Variants in CARD10 observed in about 807,000 individuals in gnomAD.
CARD10 encodes caspase recruitment domain-containing protein 10.
In CARD10, 49 loss-of-function variants were observed where a neutral mutation model predicts 114.6. That is an observed-to-expected ratio of 0.43 (90% confidence interval 0.34 to 0.54). CARD10 has a LOEUF of 0.54. CARD10 is among the 20% of genes least tolerant of loss of function. The pLI is 0.03. For synonymous variants in CARD10, 602 were observed against 593.2 expected (o/e 1.01, Z -0.21); for missense variants, 1,206 against 1,397.2 (o/e 0.86, Z 2.18).
rs1486849144 is a variant in CARD10 at position 37,510,347 on chromosome 22, G to A, written c.774C>T (p.Pro258=). 7 of 1,611,994 alleles carry A rather than the reference G, an allele frequency of 4.3e-6. No homozygotes were observed. The highest frequency in any genetic ancestry group is 5.9e-6 in the Non-Finnish European group (7 of 1,179,458). ...CALLRRARGP[P]PGAEEKEKEK... Reference sequence around the variant, plus strand: ...CCTTCTCCTTCTCCTCTGCCCCAGGGGGCGGGCCCCTGGCCCTTCGAAGCA... The same window carrying A: ...CCTTCTCCTTCTCCTCTGCCCCAGGAGGCGGGCCCCTGGCCCTTCGAAGCA... Residue 258 remains proline (P), a synonymous_variant, in exon 4 of 20, where the codon CCC becomes CCT. Transcript: ENST00000251973.
At chr22:37,502,528 G>A in intron 11 of CARD10, 74 bp downstream of exon 11, 1 of 1,506,326 alleles carries the variant, frequency 6.6e-7, no homozygotes, top group Non-Finnish European at 9.0e-7. Flanking sequence ...CGAGGCAATT[G>A]CTCCTCCCAC....
intron 11 of CARD10, among the ~76,000 whole-genome samples, chr22:37,502,135 GC>G (rs1167444450): frequency 6.6e-6 from 1 of 152,252 alleles, no homozygotes; most frequent in Non-Finnish European, 1.5e-5. Flanking sequence ...CCTGTGGCTG[GC>G]CCGGTCACAG....
At position 37,504,654 on chromosome 22, in the gene CARD10, C is replaced by A; in HGVS notation, c.1499G>T (p.Gly500Val). ...TCTTACCGAGTTGTGAGGCTCAGGT[C>A]CCCCCATGACAGCTGCCTCCCCAGT... ...EATGEAAVMG[G>V]PEPHNSEEAT... The change falls in exon 8 of 20, where the codon GGA (glycine) becomes GTA (valine). Residue 500 changes from glycine (G) to valine (V), a missense_variant. Physicochemically the swap from Gly to Val is moderately radical, Grantham distance 109. This residue lies in a region of CARD10 where 1,068 missense variants were observed against 1,179.1 expected (regional missense o/e 0.91). Coordinates refer to ENST00000251973, the MANE Select transcript of CARD10 (RefSeq NM_014550.4). 1.3e-6 allele frequency: 2 copies of A among 1,514,494 alleles called. No individual in the cohort carries two copies. Among genetic ancestry groups the A allele is most frequent in the Non-Finnish European group, 8.8e-7 (1 of 1,133,728 alleles). The allele number at this position is 1,514,494 out of a possible 1,614,324, so 93.8% of individuals were successfully genotyped here.
intron 3 of CARD10, among the ~76,000 whole-genome samples, chr22:37,510,834 G>A (rs546254714): frequency 2.0e-5 from 3 of 152,318 alleles, no homozygotes; most frequent in Admixed American, 6.5e-5. Context: ...CAGCACTTTG[G>A]GAGGCTGAGG....
At chr22:37,505,610 C>T (rs1601814072) in intron 7 of CARD10, among the ~76,000 whole-genome samples, 2 of 151,346 alleles carry the variant, frequency 1.3e-5, no homozygotes, top group South Asian at 2.1e-4. Flanking sequence ...TGGGATCCAG[C>T]CTGGGTGATA....
rs775563067 is a variant in CARD10 at position 37,516,151 on chromosome 22, C to T, written c.521G>A (p.Arg174Gln). Reference protein sequence around the residue: ...LEEERAGLEQRLRDQQQAQER... With the variant: ...LEEERAGLEQQLRDQQQAQER... ...CTGAGCCTGCTGCTGGTCCCGCAGC[C>T]GCTGCTCCAGCCCTGCCCGCTCCTC... Residue 174 changes from arginine (R) to glutamine (Q), a missense_variant, in exon 3 of 20, where the codon CGG (arginine) becomes CAG (glutamine). Around this residue, in one of 2 missense-constraint regions of CARD10, gnomAD observed 1,068 missense variants for 1,179.1 expected, o/e 0.91. Transcript: ENST00000251973. 2.1e-5 allele frequency: 34 copies of T among 1,594,970 alleles called. No homozygotes were observed. Among genetic ancestry groups the T allele is most frequent in the Admixed American group, 3.5e-5 (2 of 57,610 alleles).
intron 18 of CARD10, 40 bp from the exon 19 acceptor site, chr22:37,491,907 C>T: frequency 1.4e-6 from 2 of 1,396,662 alleles, no homozygotes; most frequent in Non-Finnish European, 1.0e-6. Flanking sequence ...TCCTGGGCCA[C>T]AGACATCAGC....
chr22:37,497,856 A>C (rs1923064399), intron 11 of CARD10, among the ~76,000 whole-genome samples: 1 of 146,870 alleles, frequency 6.8e-6, no homozygotes, highest in South Asian at 2.1e-4. Flanking sequence ...CTCTGTCTCA[A>C]AAAAAAAAAA....
chr22:37,507,944 T>C lies in CARD10; in HGVS notation c.1076A>G (p.Glu359Gly). The C allele has an allele frequency of 6.2e-7, 1 of 1,614,046 alleles. No individual in the cohort carries two copies. Among genetic ancestry groups the C allele is most frequent in the Non-Finnish European group, 8.5e-7 (1 of 1,179,994 alleles). Residue 359 changes from glutamate to glycine, a missense_variant, in exon 6 of 20, where the codon GAG becomes GGG. Physicochemically the swap from Glu to Gly is moderately conservative, Grantham distance 98. This residue lies in a region of CARD10 where 1,068 missense variants were observed against 1,179.1 expected (regional missense o/e 0.91). Coordinates refer to ENST00000251973, the MANE Select transcript of CARD10 (RefSeq NM_014550.4). ...GTGCTTGAGCCGCAGGTCTTCCATCTCCTGCAGGTACTGAGGGTGGCACGG... is the reference window on the plus strand; with the variant it reads ...GTGCTTGAGCCGCAGGTCTTCCATCCCCTGCAGGTACTGAGGGTGGCACGG... ...AEELRDQYLQ[E>G]MEDLRLKHRT...
intron 10 of CARD10, 24 bp downstream of exon 10, chr22:37,503,161 C>T: frequency 6.2e-7 from 1 of 1,609,464 alleles, no homozygotes; most frequent in South Asian, 1.1e-5. Context: ...AGGAGCCCTC[C>T]CCACGGAACT....
At chr22:37,502,371 C>T (rs1923245194) in intron 11 of CARD10, among the ~76,000 whole-genome samples, 1 of 152,248 alleles carries the variant, frequency 6.6e-6, no homozygotes, top group African/African-American at 2.4e-5. Flanking sequence ...TCATCATCTC[C>T]CTTTAGCTAC....
rs748687860 is a variant in CARD10 at position 37,507,927 on chromosome 22, G to A, written c.1093C>T (p.Leu365Phe). The change falls in exon 6 of 20, where the codon CTC becomes TTC. Residue 365 changes from leucine to phenylalanine, a missense_variant. By Grantham distance (22) the Leu-to-Phe change is conservative. This residue lies in a region of CARD10 where 1,068 missense variants were observed against 1,179.1 expected (regional missense o/e 0.91). Coordinates refer to ENST00000251973, the MANE Select transcript of CARD10 (RefSeq NM_014550.4). ...TCCTTCTGCAGCGTGCGGTGCTTGA[G>A]CCGCAGGTCTTCCATCTCCTGCAGG... The part of the protein sequence containing the change: ...QYLQEMEDLR[L>F]KHRTLQKDCD... 16 of 1,614,158 alleles carry A rather than the reference G, an allele frequency of 9.9e-6. No homozygotes were observed. In the African/African-American group the frequency reaches 1.7e-4, roughly 17 times the overall value.
rs148648878 is a variant in CARD10 at position 37,495,951 on chromosome 22, G to A, written c.2112C>T (p.Ala704=). ...GGTTGGCACGAATGTAGAAGGGCTCGGCACCTGGTCCCTTTGCCCAGGCTT... is the reference window on the plus strand; with the variant it reads ...GGTTGGCACGAATGTAGAAGGGCTCAGCACCTGGTCCCTTTGCCCAGGCTT... ...ALEAWAKGPG[A]EPFYIRANLT... Residue 704 remains alanine (A), a synonymous_variant, in exon 14 of 20, where the codon GCC becomes GCT. Coordinates refer to ENST00000251973, the MANE Select transcript of CARD10 (RefSeq NM_014550.4). The A allele has an allele frequency of 4.9e-4, 790 of 1,614,030 alleles. No homozygotes were observed. Among genetic ancestry groups the A allele is most frequent in the Non-Finnish European group, 6.2e-4 (731 of 1,180,046 alleles).
rs548716137 is a variant in CARD10 at position 37,496,908 on chromosome 22, G to T, written c.1947+111C>A. ...TAATCACTGAGCCCGCTTCGGCTTT[G>T]ACCAATCCCCAGAAGCTCTGCCCGG... is the stretch of plus-strand genomic sequence containing the variant. On this transcript the variant is annotated intron_variant, in intron 12 of 19. Coordinates refer to ENST00000251973, the MANE Select transcript of CARD10 (RefSeq NM_014550.4). The surrounding 1 kb of genome is among the most constrained non-coding windows in gnomAD (Gnocchi z 4.1). The T allele has an allele frequency of 2.3e-6, 3 of 1,317,828 alleles. No homozygotes were observed. The highest frequency in any genetic ancestry group is 2.9e-5 in the South Asian group (2 of 69,692). The allele number at this position is 1,317,828 out of a possible 1,614,324, so 81.6% of individuals were successfully genotyped here.
intron 3 of CARD10, among the ~76,000 whole-genome samples, chr22:37,515,478 G>A (rs1569168130): frequency 6.6e-6 from 1 of 150,454 alleles, no homozygotes; most frequent in African/African-American, 2.5e-5. Flanking sequence ...CAGGAGAATC[G>A]CTGGAACCCG....
chr22:37,506,393 G>C lies in CARD10; in HGVS notation c.1192-10C>G, dbSNP rs376972364. On this transcript the variant is annotated splice_polypyrimidine_tract_variant and intron_variant, in intron 6 of 19. Transcript: ENST00000251973. ...CACGGCTCTGGATGGCCTAGGGTTG[G>C]GGGAGGGGAGGCAGCAGCTGAAGGA... is the stretch of plus-strand genomic sequence containing the variant. The C allele has an allele frequency of 9.1e-6, 14 of 1,535,588 alleles. No individual in the cohort carries two copies. The highest frequency in any genetic ancestry group is 2.5e-5 in the East Asian group (1 of 40,726).
At chr22:37,513,000 C>T (rs1043558138) in intron 3 of CARD10, among the ~76,000 whole-genome samples, 1 of 152,228 alleles carries the variant, frequency 6.6e-6, no homozygotes. Context: ...CGATCAGGTG[C>T]TCTGTTCAGA....
rs142460262 is a variant in CARD10, at chr22:37,501,143, C to T, written c.1787+1459G>A. On this transcript the variant is annotated intron_variant, in intron 11 of 19. Coordinates refer to ENST00000251973, the MANE Select transcript of CARD10 (RefSeq NM_014550.4). This position sits in a 1 kb window ranked among gnomAD's most constrained non-coding sequence, Gnocchi z 5.4. ...TCTCCGCCTGTCTGCCTCTCTCTCT[C>T]TCTTTCTCTCTCTCTCTCTGTCCAC... Among the ~76,000 whole-genome samples the T allele has an allele frequency of 0.018, 2,690 of 152,268 alleles. 101 individuals carry two copies. The highest frequency in any genetic ancestry group is 0.062 in the African/African-American group (2,579 of 41,518).
In CARD10 at chr22:37,519,411, G is replaced by C; in HGVS notation, c.-211C>G. The C allele has an allele frequency of 8.5e-7, 1 of 1,177,750 alleles. No individual in the cohort carries two copies. The highest frequency in any genetic ancestry group is 1.0e-6 in the Non-Finnish European group (1 of 953,320). The allele number at this position is 1,177,750 out of a possible 1,614,324, so 73.0% of individuals were successfully genotyped here. ...GCGGCGGCTCCGCCGGCGCAGGGGG[G>C]CGGTGCCCGTGGCGCCCCCGGCTCC... On this transcript the variant is annotated 5_prime_UTR_variant, in exon 1 of 20. Transcript: ENST00000251973. This position sits in a 1 kb window ranked among gnomAD's most constrained non-coding sequence, Gnocchi z 4.1.
Sources: allele counts gnomAD v4.1 joint callset (sites outside exome capture counted in the v4.1 genomes callset), GRCh38; gene constraint gnomAD v4.1.1; regional missense constraint gnomAD v4.1.1; non-coding constraint Gnocchi (gnomAD v3.1); transcripts MANE v1.5; gene names NCBI Gene and HGNC (gene_info 2026-07-23, HGNC 2026-07-21).